The following PDE10A variants were observed in gnomAD, a reference collection of about 807,000 sequenced individuals.
PDE10A encodes the protein phosphodiesterase 10A, also known as cAMP and cAMP-inhibited cGMP 3',5'-cyclic phosphodiesterase 10A.
Under a neutral mutation model 97.7 loss-of-function variants are expected in PDE10A, and 39 were observed. That is an observed-to-expected ratio of 0.40 (90% CI 0.31 to 0.52). PDE10A has a LOEUF of 0.52. PDE10A is among the 20% of genes least tolerant of loss of function. The probability of loss-of-function intolerance (pLI) is 0.56; values close to 1 mark genes in which losing one functional copy is unlikely to be tolerated. For missense variants in PDE10A, 731 were observed against 1,047.8 expected, an observed-to-expected ratio of 0.70 and a Z score of 4.17; for synonymous variants, 371 against 376.8, an observed-to-expected ratio of 0.98 and a Z score of 0.18.
At chr6:165,570,700 T>C (rs992131191) in intron 1 of PDE10A, among the ~76,000 whole-genome samples, 2 of 152,226 alleles carry the variant, frequency 1.3e-5, no homozygotes, top group Non-Finnish European at 2.9e-5. Flanking sequence ...TAAGCATTGA[T>C]GTAAAGTCTT....
chr6:165,703,385 A>C (rs560420880), intron 1 of PDE10A, among the ~76,000 whole-genome samples: 6 of 152,200 alleles, frequency 3.9e-5, no homozygotes, highest in Non-Finnish European at 8.8e-5. Context: ...GAGTTGTAAA[A>C]GGGTTTTGTA....
intron 1 of PDE10A, among the ~76,000 whole-genome samples, chr6:165,750,928 G>A (rs1729468297): frequency 6.6e-6 from 1 of 152,214 alleles, no homozygotes; most frequent in African/African-American, 2.4e-5. Flanking sequence ...GTTGTTGGCA[G>A]GAGCGGGATG....
At chr6:165,818,812 A>G (rs1037196760) in intron 1 of PDE10A, among the ~76,000 whole-genome samples, 2 of 152,230 alleles carry the variant, frequency 1.3e-5, no homozygotes, top group Non-Finnish European at 2.9e-5. Context: ...AACTTCCTTC[A>G]AAGTGGTAGA....
chr6:165,686,641 A>G (rs1167008734), intron 1 of PDE10A, among the ~76,000 whole-genome samples: 1 of 152,260 alleles, frequency 6.6e-6, no homozygotes, highest in Non-Finnish European at 1.5e-5. Context: ...CAATCGAATC[A>G]TGAATTATGT....
chr6:165,740,107 G>T (rs74906139), intron 1 of PDE10A, among the ~76,000 whole-genome samples: 1 of 152,088 alleles, frequency 6.6e-6, no homozygotes, highest in Non-Finnish European at 1.5e-5. Context: ...CTACTGTTGG[G>T]TATACAAATC....
At chr6:165,436,565 C>T (rs539785439) in intron 5 of PDE10A, among the ~76,000 whole-genome samples, 1 of 152,152 alleles carries the variant, frequency 6.6e-6, no homozygotes, top group South Asian at 2.1e-4. Flanking sequence ...ACTTGTATTT[C>T]CAAGTATATC....
chr6:165,866,420 G>C (rs202135475), intron 1 of PDE10A, among the ~76,000 whole-genome samples: 1 of 131,912 alleles, frequency 7.6e-6, no homozygotes, highest in Non-Finnish European at 1.7e-5. Flanking sequence ...ATGAATTTCT[G>C]TTAATTCATT....
At chr6:165,458,215 C>T (rs557712892) in intron 3 of PDE10A, among the ~76,000 whole-genome samples, 1 of 152,166 alleles carries the variant, frequency 6.6e-6, no homozygotes, top group East Asian at 1.9e-4. Context: ...AAGAATAGTA[C>T]AAGAAACACC....
In PDE10A at chr6:165,422,462, G is replaced by C. The variant is rs9689567; in HGVS notation, c.1654-3685C>G. 1.0e-4 allele frequency among the ~76,000 whole-genome samples: 12 copies of C among 117,878 alleles called. 1 individual carries two copies. Among genetic ancestry groups the C allele is most frequent in the Non-Finnish European group, 1.6e-4 (9 of 55,020 alleles). 77.3% of individuals were successfully genotyped at this position (117,878 alleles called of 152,430 possible). ...ACACACATACGCATATACACACACA[G>C]GCATACACACATACGCATACACACC... On this transcript the variant is annotated intron_variant, in intron 10 of 21. Coordinates refer to ENST00000539869, the MANE Select transcript of PDE10A (RefSeq NM_001385079.1).
intron 1 of PDE10A, among the ~76,000 whole-genome samples, chr6:165,906,025 CT>C (rs1206908575): frequency 9.7e-4 from 8 of 8,208 alleles, no homozygotes; most frequent in African/African-American, 1.2e-3. Flanking sequence ...CCCTCCCTCC[CT>C]TCCTTCCTTC....
chr6:165,842,991 T>G (rs1449568377), intron 1 of PDE10A, among the ~76,000 whole-genome samples: 1 of 152,200 alleles, frequency 6.6e-6, no homozygotes, highest in Non-Finnish European at 1.5e-5. Context: ...GCTTTGAAAA[T>G]TAAGATCTGA....
rs1462730631 is a variant in PDE10A, at chr6:165,482,321, G to A, written c.1017C>T (p.Val339=). 6.3e-7 allele frequency: 1 copy of A among 1,597,370 alleles called. No homozygotes were observed. Among genetic ancestry groups the A allele is most frequent in the Non-Finnish European group, 8.6e-7 (1 of 1,165,046 alleles). ...KSEDESAPKE[V]SRYQDTNMQG... The stretch of plus-strand genomic sequence containing the variant: ...TAATATTCACATCACTTACCCTGCT[G>A]ACTTCCTTAGGAGCTGATTCATCTG... The change falls in exon 3 of 22, where the codon GTC becomes GTT. Residue 339 remains valine (V), a synonymous_variant. Transcript: ENST00000539869.
intron 1 of PDE10A, among the ~76,000 whole-genome samples, chr6:165,639,433 AT>A (rs1789025258): frequency 1.3e-5 from 2 of 152,162 alleles, no homozygotes; most frequent in East Asian, 1.9e-4. Flanking sequence ...TGCAAAAAAA[AT>A]CAAGATAAAA....
At chr6:165,519,066 C>T (rs562818697) in intron 2 of PDE10A, among the ~76,000 whole-genome samples, 23 of 152,242 alleles carry the variant, frequency 1.5e-4, no homozygotes, top group Middle Eastern at 3.4e-3. Flanking sequence ...TGTAATCTGT[C>T]ATGGAACTAT....
At chr6:165,373,764 G>A (rs1181434680) in intron 18 of PDE10A, among the ~76,000 whole-genome samples, 4 of 151,944 alleles carry the variant, frequency 2.6e-5, no homozygotes, top group Non-Finnish European at 5.9e-5. Flanking sequence ...TCATGCTGCT[G>A]TAAAGACACA....
Position 165,392,768 on chromosome 6 carries a change from T to C in PDE10A, c.2332A>G (p.Ile778Val), listed in dbSNP as rs769347105. The C allele has an allele frequency of 5.0e-6, 8 of 1,614,048 alleles. No individual in the cohort carries two copies. The highest frequency in any genetic ancestry group is 1.6e-4 in the Middle Eastern group (1 of 6,062). Residue 778 changes from isoleucine (I) to valine (V), a missense_variant, in exon 16 of 22, where the codon ATT becomes GTT. Physicochemically the swap from Ile to Val is conservative, Grantham distance 29. Transcript: ENST00000539869. Reference protein sequence around the residue: ...CFELEKLCRFIMSVKKNYRRV... With the variant: ...CFELEKLCRFVMSVKKNYRRV... ...CGATAGTTCTTCTTCACAGACATAATAAAACGACACAACTTTTCAAGCTCA... is the reference window on the plus strand; with the variant it reads ...CGATAGTTCTTCTTCACAGACATAACAAAACGACACAACTTTTCAAGCTCA...
At chr6:165,577,480 G>A (rs771814642) in intron 1 of PDE10A, among the ~76,000 whole-genome samples, 4 of 152,172 alleles carry the variant, frequency 2.6e-5, no homozygotes, top group South Asian at 2.1e-4. Flanking sequence ...CTGGGACCAC[G>A]AAGCTACTGA....
intron 2 of PDE10A, among the ~76,000 whole-genome samples, chr6:165,494,156 A>T (rs1360465668): frequency 1.3e-5 from 2 of 152,144 alleles, no homozygotes; most frequent in Non-Finnish European, 2.9e-5. Context: ...ATAACAAAAA[A>T]ATTAAAAAAT....
chr6:165,498,866 C>T (rs1448501610), intron 2 of PDE10A, among the ~76,000 whole-genome samples: 1 of 152,096 alleles, frequency 6.6e-6, no homozygotes, highest in Admixed American at 6.5e-5. Context: ...ATTGGTACAT[C>T]TTAGAACTTC....
Sources: allele counts gnomAD v4.1 joint callset (sites outside exome capture counted in the v4.1 genomes callset), GRCh38; gene constraint gnomAD v4.1.1; transcripts MANE v1.5; gene names NCBI Gene and HGNC (gene_info 2026-07-23, HGNC 2026-07-21).